The following TICRR variants were observed in gnomAD, a reference collection of about 807,000 sequenced individuals.
The protein encoded by TICRR is TOPBP1 interacting checkpoint and replication regulator.
TICRR carries 132 observed loss-of-function variants against 178.1 expected under a neutral mutation model. That is an observed-to-expected ratio of 0.74 (90% CI 0.64 to 0.86). TICRR has a LOEUF of 0.86. TICRR is among the 40% of genes least tolerant of loss of function. The pLI, the probability that TICRR is intolerant of heterozygous loss-of-function variation, is 0.00. For synonymous variants in TICRR, 991 were observed against 900.7 expected (o/e 1.10, Z -1.79); for missense variants, 2,587 against 2,334.3 (o/e 1.11, Z -2.23).
intron 6 of TICRR, 89 bp downstream of exon 6, chr15:89,594,643 A>G: frequency 8.2e-7 from 1 of 1,226,086 alleles, no homozygotes; most frequent in South Asian, 2.3e-5. Flanking sequence ...TGAGGTTGAA[A>G]TGGTAACTAA....
intron 8 of TICRR, 107 bp from the exon 9 acceptor site, chr15:89,600,478 A>G: frequency 2.1e-6 from 1 of 482,038 alleles, no homozygotes; most frequent in Non-Finnish European, 3.7e-6. Flanking sequence ...AAATGAAAGA[A>G]TAGAGAAGTT....
rs1338008834 is a variant in TICRR at position 89,599,394 on chromosome 15, AATC to A, written c.1974_1976del (p.Ile658del). The A allele has an allele frequency of 6.2e-7, 1 of 1,613,906 alleles. No homozygotes were observed. On this transcript the variant is annotated inframe_deletion, in exon 8 of 22. Transcript: ENST00000268138. ...ACCAAAAGACTGTGGCCACAGGAGAAATCATGTTGTATGCATGTGCTCGAAACA... is the reference window on the plus strand; with the variant it reads ...ACCAAAAGACTGTGGCCACAGGAGAAATGTTGTATGCATGTGCTCGAAACA...
chr15:89,626,667 C>G (rs977799007), intron 21 of TICRR, among the ~76,000 whole-genome samples: 1 of 152,074 alleles, frequency 6.6e-6, no homozygotes, highest in South Asian at 2.1e-4. Context: ...AGCATAACCC[C>G]AGAGATCTGA....
Position 89,626,035 on chromosome 15 carries a change from C to T in TICRR, c.5576C>T (p.Pro1859Leu). 2 of 1,613,946 alleles carry T rather than the reference C, an allele frequency of 1.2e-6. No homozygotes were observed. The highest frequency in any genetic ancestry group is 1.7e-6 in the Non-Finnish European group (2 of 1,179,918). ...CCGCTGCTGTTCCAGGGGAAAACAC[C>T]TTCCTCTCAGAGCAAAGACCCCAGA... ...QSPLLFQGKT[P>L]SSQSKDPRDE... is the part of the protein sequence containing the mutation. Residue 1859 changes from proline (P) to leucine (L), a missense_variant, in exon 21 of 22, where the codon CCT becomes CTT. Transcript: ENST00000268138.
At position 89,623,824 on chromosome 15, in the gene TICRR, A is replaced by G; in HGVS notation, c.3514A>G (p.Lys1172Glu). 1.2e-6 allele frequency: 2 copies of G among 1,613,948 alleles called. No homozygotes were observed. Among genetic ancestry groups the G allele is most frequent in the Admixed American group, 1.7e-5 (1 of 60,018 alleles). ...SPGHDSPLDS[K>E]ITPQKRHTQA... Reference sequence around the variant, plus strand: ...CGGCCATGACTCACCATTGGATTCAAAAATCACTCCTCAAAAACGACATAC... The same window carrying G: ...CGGCCATGACTCACCATTGGATTCAGAAATCACTCCTCAAAAACGACATAC... The change falls in exon 20 of 22, where the codon AAA becomes GAA. Residue 1172 changes from lysine to glutamate, a missense_variant. Lys to Glu is a moderately conservative substitution (Grantham distance 56). Coordinates refer to ENST00000268138, the MANE Select transcript of TICRR (RefSeq NM_152259.4).
In TICRR at chr15:89,575,634, C is replaced by CGCCGCCCGCCACAGCCGGGTCCGGCGG. The variant is rs1160425023; in HGVS notation, c.56_82dup (p.Arg19_Ala27dup). 65 of 1,548,384 alleles carry CGCCGCCCGCCACAGCCGGGTCCGGCGG rather than the reference C, an allele frequency of 4.2e-5. No individual in the cohort carries two copies. Among genetic ancestry groups the CGCCGCCCGCCACAGCCGGGTCCGGCGG allele is most frequent in the African/African-American group, 5.5e-5 (4 of 72,796 alleles). On this transcript the variant is annotated inframe_insertion, in exon 1 of 22. Transcript: ENST00000268138. The stretch of plus-strand genomic sequence containing the variant: ...TGCTGCTGCTGGACACCGCGGGCGG[C>CGCCGCCCGCCACAGCCGGGTCCGGCGG]GCCGCCCGCCACAGCCGGGTCCGGC...
intron 13 of TICRR, among the ~76,000 whole-genome samples, chr15:89,604,797 C>G (rs1045900215): frequency 1.4e-5 from 2 of 145,418 alleles, no homozygotes; most frequent in Non-Finnish European, 3.0e-5. Context: ...AAATTGAGGT[C>G]AGGATTTGAT....
Position 89,601,919 on chromosome 15 carries a change from G to A in TICRR, c.2510G>A (p.Gly837Asp), listed in dbSNP as rs376337853. Residue 837 changes from glycine to aspartate, a missense_variant, in exon 12 of 22, where the codon GGC becomes GAC. Physicochemically the swap from Gly to Asp is moderately conservative, Grantham distance 94. Coordinates refer to ENST00000268138, the MANE Select transcript of TICRR (RefSeq NM_152259.4). ...FLSSARRSVS[G>D]SPESDELQEL... ...TCAAGTGCTCGTAGATCAGTGTCAG[G>A]CAGCCCTGAATCTGATGAACTGCAG... is the stretch of plus-strand genomic sequence containing the variant. 7.8e-5 allele frequency: 126 copies of A among 1,613,990 alleles called. No individual in the cohort carries two copies. The highest frequency in any genetic ancestry group is 1.0e-4 in the Non-Finnish European group (120 of 1,180,018).
At chr15:89,599,935 G>T (rs1041187056) in intron 8 of TICRR, among the ~76,000 whole-genome samples, 3 of 152,068 alleles carry the variant, frequency 2.0e-5, no homozygotes, top group African/African-American at 7.2e-5. Flanking sequence ...GTGAAACCCC[G>T]TCTCTACTAA....
chr15:89,586,137 T>A (rs1383253940), intron 4 of TICRR, among the ~76,000 whole-genome samples, 195 bp downstream of exon 4: 1 of 152,214 alleles, frequency 6.6e-6, no homozygotes, highest in East Asian at 1.9e-4. Context: ...GGCTGCAGGT[T>A]CCATGAAACC....
In TICRR at chr15:89,625,011, T is replaced by C. The variant is rs1296747580; in HGVS notation, c.4701T>C (p.Ala1567=). ...ATGAGGTTGAGCTGGAGATGCAAGC[T>C]TCTGGCCTTCCCAAACTTCGAATTA... ...QTYEVELEMQ[A]SGLPKLRIKK... The change falls in exon 20 of 22, where the codon GCT becomes GCC. Residue 1567 remains alanine, a synonymous_variant. Coordinates refer to ENST00000268138, the MANE Select transcript of TICRR (RefSeq NM_152259.4). 2 of 1,614,082 alleles carry C rather than the reference T, an allele frequency of 1.2e-6. No homozygotes were observed. Among genetic ancestry groups the C allele is most frequent in the East Asian group, 2.2e-5 (1 of 44,858 alleles).
chr15:89,618,507 C>A (rs1039343825), intron 17 of TICRR, among the ~76,000 whole-genome samples: 1 of 152,214 alleles, frequency 6.6e-6, no homozygotes, highest in African/African-American at 2.4e-5. Context: ...TTTGTTGGAG[C>A]TTTTCACTAC....
chr15:89,577,302 T>C (rs1306170414), intron 1 of TICRR, among the ~76,000 whole-genome samples: 5 of 152,154 alleles, frequency 3.3e-5, no homozygotes, highest in Non-Finnish European at 7.3e-5. Context: ...CTAATTTGGA[T>C]TTTTGCTGAG....
intron 8 of TICRR, among the ~76,000 whole-genome samples, chr15:89,600,054 CA>C (rs1418807976): frequency 6.6e-6 from 1 of 152,134 alleles, no homozygotes; most frequent in Admixed American, 6.5e-5. Context: ...TGCAGTGAGG[CA>C]AGATCGTACC....
rs138732123 is a variant in TICRR at position 89,621,537 on chromosome 15, C to T, written c.3299C>T (p.Pro1100Leu). Residue 1100 changes from proline to leucine, a missense_variant, in exon 19 of 22, where the codon CCT (proline) becomes CTT (leucine). Coordinates refer to ENST00000268138, the MANE Select transcript of TICRR (RefSeq NM_152259.4). Reference sequence around the variant, plus strand: ...AGAAACACTTTGGATTCGGAGGTACCTGCAGCTTACCAGGTATAATGTTTC... The same window carrying T: ...AGAAACACTTTGGATTCGGAGGTACTTGCAGCTTACCAGGTATAATGTTTC... ...RSRNTLDSEVPAAYQTPKKSH... is the reference protein window; with the variant it reads ...RSRNTLDSEVLAAYQTPKKSH... 14 of 1,611,646 alleles carry T rather than the reference C, an allele frequency of 8.7e-6. No individual in the cohort carries two copies. The African/African-American group carries it at 1.6e-4, about 18-fold the overall frequency.
At chr15:89,578,730 G>A (rs1281881657) in intron 1 of TICRR, among the ~76,000 whole-genome samples, 1 of 151,358 alleles carries the variant, frequency 6.6e-6, no homozygotes, top group Non-Finnish European at 1.5e-5. Flanking sequence ...CAGGTCTGAT[G>A]TACCGTCGAC....
At chr15:89,600,150 A>G (rs1431906264) in intron 8 of TICRR, among the ~76,000 whole-genome samples, 1 of 152,144 alleles carries the variant, frequency 6.6e-6, no homozygotes, top group Non-Finnish European at 1.5e-5. Flanking sequence ...ATGAACTGAA[A>G]CAGATCTCTG....
In TICRR at chr15:89,600,574, T is replaced by G; in HGVS notation, c.2053-11T>G. 7.3e-7 allele frequency: 1 copy of G among 1,374,328 alleles called. No individual in the cohort carries two copies. Among genetic ancestry groups the G allele is most frequent in the South Asian group, 1.3e-5 (1 of 74,490 alleles). The allele number at this position is 1,374,328 out of a possible 1,614,324, so 85.1% of individuals were successfully genotyped here. On this transcript the variant is annotated splice_polypyrimidine_tract_variant and intron_variant, in intron 8 of 21. Transcript: ENST00000268138. ...ACACTATTCTCCTATGTAATAATTTTGTATTTTTAGGTGAACTGCCTGAAT... is the reference window on the plus strand; with the variant it reads ...ACACTATTCTCCTATGTAATAATTTGGTATTTTTAGGTGAACTGCCTGAAT...
At chr15:89,588,109 G>A (rs1022644094) in intron 4 of TICRR, among the ~76,000 whole-genome samples, 13 of 152,144 alleles carry the variant, frequency 8.5e-5, no homozygotes, top group Admixed American at 8.5e-4. Context: ...TGGTGTGAGT[G>A]TACGGGGTTC....
Sources: allele counts gnomAD v4.1 joint callset (sites outside exome capture counted in the v4.1 genomes callset), GRCh38; gene constraint gnomAD v4.1.1; transcripts MANE v1.5; gene names NCBI Gene and HGNC (gene_info 2026-07-23, HGNC 2026-07-21).